The following PIK3CA variants were observed in gnomAD, a reference collection of about 807,000 sequenced individuals.
PIK3CA encodes phosphatidylinositol-4,5-bisphosphate 3-kinase catalytic subunit alpha.
In PIK3CA, 27 loss-of-function variants were observed where a neutral mutation model predicts 138.2. That is an observed-to-expected ratio of 0.20 (90% CI 0.14 to 0.27). The LOEUF is 0.27. Ranked by LOEUF, PIK3CA falls within the 10% of genes least tolerant of loss-of-function variation. PIK3CA has a pLI of 1.00. For synonymous variants in PIK3CA, 358 were observed against 413.2 expected (o/e 0.87, Z 1.62); for missense variants, 544 against 1,277.4 (o/e 0.43, Z 8.75).
chr3:179,195,096 A>T (rs1262342244), intron 1 of PIK3CA, among the ~76,000 whole-genome samples: 1 of 151,968 alleles, frequency 6.6e-6, no homozygotes, highest in Non-Finnish European at 1.5e-5. Context: ...TAACATTTCA[A>T]TAGGAATCTT....
At chr3:179,187,646 GT>G (rs892710016) in intron 1 of PIK3CA, among the ~76,000 whole-genome samples, 4 of 149,876 alleles carry the variant, frequency 2.7e-5, no homozygotes, top group African/African-American at 9.8e-5. Context: ...TCTTTTGTTT[GT>G]TTTTCTTTGG....
intron 1 of PIK3CA, among the ~76,000 whole-genome samples, chr3:179,150,093 G>T (rs1722972615): frequency 6.7e-6 from 1 of 150,186 alleles, no homozygotes. Context: ...CACATGTTCT[G>T]GAAATTTTTA....
At chr3:179,163,713 T>C (rs1253185886) in intron 1 of PIK3CA, among the ~76,000 whole-genome samples, 1 of 152,040 alleles carries the variant, frequency 6.6e-6, no homozygotes, top group Non-Finnish European at 1.5e-5. Context: ...AAAGAGGAAA[T>C]GCAGGTACAA....
chr3:179,240,006 T>C lies in PIK3CA; in HGVS notation c.*5642T>C, dbSNP rs1427818504. On this transcript the variant is annotated 3_prime_UTR_variant, in exon 21 of 21. Coordinates refer to ENST00000263967, the MANE Select transcript of PIK3CA (RefSeq NM_006218.4). Reference sequence around the variant, plus strand: ...GGCCTGTGACTGCACTTACTGTTTATGCTCATCAGAAACTGTCAATGTCTG... The same window carrying C: ...GGCCTGTGACTGCACTTACTGTTTACGCTCATCAGAAACTGTCAATGTCTG... 5.8e-6 allele frequency: 9 copies of C among 1,546,108 alleles called. No homozygotes were observed. Among genetic ancestry groups the C allele is most frequent in the African/African-American group, 1.4e-5 (1 of 72,786 alleles).
chr3:179,184,068 G>A (rs1280105996), intron 1 of PIK3CA, among the ~76,000 whole-genome samples: 1 of 152,162 alleles, frequency 6.6e-6, no homozygotes, highest in Non-Finnish European at 1.5e-5. Context: ...GACAGAAGAC[G>A]AGCATTGCCC....
intron 1 of PIK3CA, among the ~76,000 whole-genome samples, chr3:179,157,263 T>C (rs1457071858): frequency 6.6e-6 from 1 of 152,218 alleles, no homozygotes; most frequent in Non-Finnish European, 1.5e-5. Flanking sequence ...GTTGAGACCA[T>C]GATAGGCAGC....
chr3:179,209,135 A>C (rs1485057870), intron 6 of PIK3CA, among the ~76,000 whole-genome samples: 1 of 151,546 alleles, frequency 6.6e-6, no homozygotes, highest in Non-Finnish European at 1.5e-5. Context: ...TCACAAAGTA[A>C]ATACCCATGT....
intron 1 of PIK3CA, among the ~76,000 whole-genome samples, chr3:179,153,353 C>T (rs1362252330): frequency 6.6e-6 from 1 of 152,108 alleles, no homozygotes; most frequent in Non-Finnish European, 1.5e-5. Flanking sequence ...ACAGGTTGGA[C>T]ATCCCTAATC....
In PIK3CA at chr3:179,198,831, T is replaced by G; in HGVS notation, c.6T>G (p.Pro2=). 1 of 1,533,294 alleles carries G rather than the reference T, an allele frequency of 6.5e-7. No individual in the cohort carries two copies. Among genetic ancestry groups the G allele is most frequent in the Non-Finnish European group, 8.8e-7 (1 of 1,141,088 alleles). 95.0% of individuals were successfully genotyped at this position (1,533,294 alleles called of 1,614,324 possible). Residue 2 remains proline (P), a synonymous_variant, in exon 2 of 21, where the codon CCT becomes CCG. Transcript: ENST00000263967. M[P]PRPSSGELWG... ...ACTTGCAAAGAATCAGAACAATGCC[T>G]CCACGACCATCATCAGGTGAACTGT...
chr3:179,182,128 T>C (rs1003412184), intron 1 of PIK3CA, among the ~76,000 whole-genome samples: 2 of 152,204 alleles, frequency 1.3e-5, no homozygotes, highest in African/African-American at 4.8e-5. Context: ...CTTTCTTACG[T>C]CTTCCTCTGT....
intron 14 of PIK3CA, among the ~76,000 whole-genome samples, chr3:179,221,476 C>T (rs1385305050): frequency 6.6e-6 from 1 of 152,126 alleles, no homozygotes; most frequent in Non-Finnish European, 1.5e-5. Flanking sequence ...CCTTTACTTT[C>T]CCTTCCTTTC....
chr3:179,202,689 G>A (rs1313837568), intron 4 of PIK3CA, among the ~76,000 whole-genome samples: 2 of 152,084 alleles, frequency 1.3e-5, no homozygotes, highest in Non-Finnish European at 2.9e-5. Flanking sequence ...TCAAAATTCA[G>A]ACCAGTATAT....
intron 1 of PIK3CA, among the ~76,000 whole-genome samples, chr3:179,169,804 G>C (rs777413372): frequency 6.6e-6 from 1 of 152,032 alleles, no homozygotes. Flanking sequence ...TTTTAGAGGT[G>C]GACATAGACA....
chr3:179,203,162 G>A (rs1044950575), intron 4 of PIK3CA, among the ~76,000 whole-genome samples: 3 of 151,556 alleles, frequency 2.0e-5, no homozygotes, highest in Non-Finnish European at 2.9e-5. Flanking sequence ...GGATGGTCTC[G>A]ATCTCCTGAC....
At position 179,224,203 on chromosome 3, in the gene PIK3CA, T is replaced by A. The variant is rs2108417073; in HGVS notation, c.2294+16T>A. 8.1e-7 allele frequency: 1 copy of A among 1,237,888 alleles called. No individual in the cohort carries two copies. The highest frequency in any genetic ancestry group is 1.5e-5 in the African/African-American group (1 of 67,006). 76.7% of individuals were successfully genotyped at this position (1,237,888 alleles called of 1,614,324 possible). A position where few individuals can be genotyped will look rare whatever the true frequency, so the allele number is the denominator to read the frequency against. On this transcript the variant is annotated intron_variant, in intron 15 of 20. Transcript: ENST00000263967. ...GAAACCTCAGGTACTTTCTTGGGGGTTTCATTGATATATTTAAATAAATAC... is the reference window on the plus strand; with the variant it reads ...GAAACCTCAGGTACTTTCTTGGGGGATTCATTGATATATTTAAATAAATAC...
intron 1 of PIK3CA, among the ~76,000 whole-genome samples, chr3:179,172,898 A>G (rs1409737203): frequency 6.6e-6 from 1 of 152,238 alleles, no homozygotes; most frequent in Non-Finnish European, 1.5e-5. Flanking sequence ...ACTTACAAGT[A>G]CCTGATTTGT....
intron 16 of PIK3CA, 24 bp downstream of exon 16, chr3:179,224,845 T>C: frequency 1.9e-6 from 3 of 1,545,102 alleles, no homozygotes; most frequent in Non-Finnish European, 2.7e-6. Context: ...TTAATGAGCT[T>C]ATGATGCATG....
chr3:179,233,111 G>A (rs552462010), intron 20 of PIK3CA, among the ~76,000 whole-genome samples: 27 of 152,104 alleles, frequency 1.8e-4, no homozygotes, highest in Middle Eastern at 3.4e-3. Context: ...CTCCTGCCTC[G>A]GCTTCCCAAA....
intron 1 of PIK3CA, among the ~76,000 whole-genome samples, chr3:179,166,417 C>A (rs1430073382): frequency 6.6e-6 from 1 of 152,124 alleles, no homozygotes; most frequent in Non-Finnish European, 1.5e-5. Context: ...TATGTTTTAT[C>A]ATTTTATGGG....
Sources: allele counts gnomAD v4.1 joint callset (sites outside exome capture counted in the v4.1 genomes callset), GRCh38; gene constraint gnomAD v4.1.1; transcripts MANE v1.5; gene names NCBI Gene and HGNC (gene_info 2026-07-23, HGNC 2026-07-21).